The following CPLANE1 variants were observed in gnomAD, a reference collection of about 807,000 sequenced individuals.
The protein encoded by CPLANE1 is ciliogenesis and planar polarity effector complex subunit 1.
CPLANE1 carries 263 observed loss-of-function variants against 362.5 expected under a neutral mutation model. That is an observed-to-expected ratio of 0.73 (90% CI 0.66 to 0.80). The LOEUF (loss-of-function observed/expected upper bound fraction) is 0.80, where lower values mean the gene tolerates loss of function less well. CPLANE1 is among the 30% of genes least tolerant of loss of function. CPLANE1 has a pLI of 0.00. For synonymous variants in CPLANE1, 1,212 were observed against 1,302.6 expected, an observed-to-expected ratio of 0.93 and a Z score of 1.50; for missense variants, 3,461 against 3,793.4, an observed-to-expected ratio of 0.91 and a Z score of 2.30.
chr5:37,247,219 A>T (rs1051094950), intron 2 of CPLANE1, among the ~76,000 whole-genome samples: 1 of 152,230 alleles, frequency 6.6e-6, no homozygotes, highest in African/African-American at 2.4e-5. Context: ...CCTAGTTTCC[A>T]AGAACACTTC....
chr5:37,084,085 G>C, the CPLANE1 span, among the ~76,000 whole-genome samples: 2 of 152,222 alleles, frequency 1.3e-5, no homozygotes, highest in African/African-American at 4.8e-5. Context: ...AGATTTCTCA[G>C]AAGAAATCCT....
At chr5:37,230,221 GA>G (rs1230592811) in intron 9 of CPLANE1, among the ~76,000 whole-genome samples, 184 of 121,880 alleles carry the variant, frequency 1.5e-3, no homozygotes, top group African/African-American at 3.5e-3. Context: ...TTTAAAAATT[GA>G]AAAAAAAAAA....
Position 37,148,237 on chromosome 5 carries a change from G to C in CPLANE1, c.8405C>G (p.Ser2802Cys), listed in dbSNP as rs1772332546. ...TAATGTTTTTTTGAATTCAGGGCCA[G>C]AAGAGAATTCAATGTGATCCACTGG... is the stretch of plus-strand genomic sequence containing the variant. ...IGPVDHIEFS[S>C]GPEFKKTLAS... Residue 2802 changes from serine (S) to cysteine (C), a missense_variant, in exon 43 of 53, where the codon TCT becomes TGT. Around this residue, in one of 2 missense-constraint regions of CPLANE1, gnomAD observed 3,380 missense variants for 3,666.1 expected, o/e 0.92. Coordinates refer to ENST00000651892, the MANE Select transcript of CPLANE1 (RefSeq NM_001384732.1). 1 of 1,612,108 alleles carries C rather than the reference G, an allele frequency of 6.2e-7. No homozygotes were observed. Among genetic ancestry groups the C allele is most frequent in the Non-Finnish European group, 8.5e-7 (1 of 1,179,028 alleles).
At chr5:37,235,567 C>CTT (rs546612161) in intron 8 of CPLANE1, among the ~76,000 whole-genome samples, 243 of 93,344 alleles carry the variant, frequency 2.6e-3, no homozygotes, top group African/African-American at 3.0e-3. Flanking sequence ...TATCTAATTT[C>CTT]TTTTTTTTTT....
chr5:37,137,501 C>G (rs1262135872), intron 46 of CPLANE1, among the ~76,000 whole-genome samples: 5 of 152,196 alleles, frequency 3.3e-5, no homozygotes. Flanking sequence ...CAGTAGCACC[C>G]CACTCTCTGC....
the CPLANE1 span, among the ~76,000 whole-genome samples, chr5:37,088,454 T>C: frequency 6.6e-6 from 1 of 152,168 alleles, no homozygotes; most frequent in Non-Finnish European, 1.5e-5. Context: ...ATCCAGGTCA[T>C]ATGAAGAGGG....
chr5:37,130,549 T>C (rs1579982450), intron 46 of CPLANE1: 1 of 206,886 alleles, frequency 4.8e-6, no homozygotes, highest in East Asian at 1.1e-4. Context: ...AAAATAAATG[T>C]TATGAATGAT....
intron 46 of CPLANE1, among the ~76,000 whole-genome samples, chr5:37,136,822 AG>A (rs759374771): frequency 3.3e-5 from 5 of 152,238 alleles, no homozygotes; most frequent in Admixed American, 1.3e-4. Flanking sequence ...GGCGCCTTCT[AG>A]CCACAGCTAG....
At chr5:37,168,444 T>C (rs1233803696) in intron 34 of CPLANE1, among the ~76,000 whole-genome samples, 1 of 149,600 alleles carries the variant, frequency 6.7e-6, no homozygotes, top group Non-Finnish European at 1.5e-5. Flanking sequence ...AGCAGAAATA[T>C]TTATGAAAGA....
chr5:37,162,056 C>A (rs972120442), intron 38 of CPLANE1, among the ~76,000 whole-genome samples: 13 of 152,200 alleles, frequency 8.5e-5, no homozygotes, highest in African/African-American at 1.2e-4. Context: ...GGTCCTCCAA[C>A]ACTTATTTCC....
intron 6 of CPLANE1, among the ~76,000 whole-genome samples, chr5:37,240,122 C>G (rs944942584): frequency 1.3e-5 from 2 of 151,998 alleles, no homozygotes; most frequent in Non-Finnish European, 2.9e-5. Flanking sequence ...GAGGCAGAGA[C>G]GGGTGGATCA....
At chr5:37,139,644 G>A (rs557759684) in intron 44 of CPLANE1, 13 of 476,030 alleles carry the variant, frequency 2.7e-5, no homozygotes, top group Admixed American at 1.2e-4. Flanking sequence ...CTCTGCCTCC[G>A]GGCTCAAGCA....
chr5:37,088,195 C>T, the CPLANE1 span, among the ~76,000 whole-genome samples: 2 of 152,162 alleles, frequency 1.3e-5, no homozygotes, highest in African/African-American at 4.8e-5. Context: ...AATCGGTTAA[C>T]CCAGGCAATT....
intron 46 of CPLANE1, among the ~76,000 whole-genome samples, chr5:37,127,377 A>C (rs1764450140): frequency 6.6e-6 from 1 of 152,130 alleles, no homozygotes. Context: ...CATTTCTCCA[A>C]ATAAATCTCT....
chr5:37,148,894 T>C (rs1772611825), intron 42 of CPLANE1, among the ~76,000 whole-genome samples: 1 of 151,838 alleles, frequency 6.6e-6, no homozygotes, highest in East Asian at 1.9e-4. Flanking sequence ...CTACTAAAAA[T>C]ACAAAAATTA....
At chr5:37,087,763 G>C in the CPLANE1 span, among the ~76,000 whole-genome samples, 1 of 152,144 alleles carries the variant, frequency 6.6e-6, no homozygotes, top group African/African-American at 2.4e-5. Context: ...GCCACAACTT[G>C]TTTCTTTTAA....
chr5:37,115,013 C>T lies in CPLANE1; in HGVS notation c.9347G>A (p.Gly3116Glu). 6.2e-7 allele frequency: 1 copy of T among 1,611,162 alleles called. No individual in the cohort carries two copies. Among genetic ancestry groups the T allele is most frequent in the East Asian group, 2.2e-5 (1 of 44,880 alleles). Residue 3116 changes from glycine (G) to glutamate (E), a missense_variant, in exon 51 of 53, where the codon GGA becomes GAA. Physicochemically the swap from Gly to Glu is moderately conservative, Grantham distance 98. Transcript: ENST00000651892. ...ATFTIQKKAGGAKAAVRKATQ... is the reference protein window; with the variant it reads ...ATFTIQKKAGEAKAAVRKATQ... ...AGCCTTTCTTACTGCTGCTTTGGCTCCACCAGCTTTTTTCTGTATGGTGAA... is the reference window on the plus strand; with the variant it reads ...AGCCTTTCTTACTGCTGCTTTGGCTTCACCAGCTTTTTTCTGTATGGTGAA...
chr5:37,210,544 A>T, intron 16 of CPLANE1: 1 of 1,473,456 alleles, frequency 6.8e-7, no homozygotes, highest in South Asian at 1.2e-5. Context: ...TCAAAAAAGG[A>T]GGAACTCAAT....
chr5:37,124,914 A>G (rs1763729665), intron 47 of CPLANE1: 1 of 1,059,644 alleles, frequency 9.4e-7, no homozygotes, highest in Non-Finnish European at 1.1e-6. Context: ...GGTTGTCGCA[A>G]CTGCCAATGA....
Sources: gnomAD v4.1 joint callset for allele counts (sites outside exome capture counted in the v4.1 genomes callset) on GRCh38, gnomAD v4.1.1 for gene constraint, gnomAD v4.1.1 regional missense constraint, MANE v1.5 for transcripts, NCBI Gene and HGNC (gene_info 2026-07-23, HGNC 2026-07-21) for gene names.